The following ZZEF1 variants were observed in gnomAD, a reference collection of about 807,000 sequenced individuals.
The protein encoded by ZZEF1 is zinc finger ZZ-type and EF-hand domain containing 1, also known as zinc finger ZZ-type and EF-hand domain-containing protein 1.
ZZEF1 carries 157 observed loss-of-function variants against 342.8 expected under a neutral mutation model. The ratio of observed to expected loss-of-function variants is 0.46; its 90% CI spans 0.40 to 0.52. ZZEF1 has a LOEUF of 0.52. Ranked by LOEUF, ZZEF1 falls within the 20% of genes least tolerant of loss-of-function variation. ZZEF1 has a pLI of 0.00. For missense variants in ZZEF1, 3,480 were observed against 3,725.6 expected (o/e 0.93, Z 1.72); for synonymous variants, 1,505 against 1,429.1 (o/e 1.05, Z -1.20).
chr17:4,039,589 G>A (rs1437823572), intron 39 of ZZEF1, among the ~76,000 whole-genome samples: 1 of 151,680 alleles, frequency 6.6e-6, no homozygotes, highest in Non-Finnish European at 1.5e-5. Flanking sequence ...AGTAAAAATG[G>A]AGTTTTTAAT....
intron 26 of ZZEF1, among the ~76,000 whole-genome samples, chr17:4,068,250 T>C (rs1428490801): frequency 6.6e-6 from 1 of 152,202 alleles, no homozygotes; most frequent in Non-Finnish European, 1.5e-5. Flanking sequence ...CTTAGGTTGC[T>C]ACATAAACAG....
chr17:4,104,871 C>G, intron 7 of ZZEF1, 60 bp from the exon 8 acceptor site: 1 of 1,477,232 alleles, frequency 6.8e-7, no homozygotes, highest in Non-Finnish European at 9.3e-7. Context: ...CCAGGTAGCT[C>G]AAACCCCATG....
At chr17:4,087,337 A>G in intron 14 of ZZEF1, 97 bp downstream of exon 14, 1 of 869,616 alleles carries the variant, frequency 1.1e-6, no homozygotes, top group Non-Finnish European at 1.8e-6. Flanking sequence ...CACTGGTAGG[A>G]AGTAAAAAAA....
At chr17:4,011,553 T>TGTG (rs1555574472) in intron 52 of ZZEF1, among the ~76,000 whole-genome samples, 1 of 151,576 alleles carries the variant, frequency 6.6e-6, no homozygotes, top group African/African-American at 2.4e-5. Flanking sequence ...GGTTTTTTTT[T>TGTG]TGTGTGTGTG....
intron 52 of ZZEF1, among the ~76,000 whole-genome samples, chr17:4,012,448 TG>T (rs770230291): frequency 2.0e-5 from 3 of 152,222 alleles, no homozygotes; most frequent in Non-Finnish European, 4.4e-5. Context: ...CACTGCACTC[TG>T]GCTAGCATTC....
chr17:4,106,464 G>T (rs1174410569), intron 6 of ZZEF1, among the ~76,000 whole-genome samples: 3 of 143,344 alleles, frequency 2.1e-5, no homozygotes, highest in Non-Finnish European at 1.5e-5. Flanking sequence ...TTTATAATTT[G>T]TTCAGCAGCA....
chr17:4,074,843 A>G (rs1329474098), intron 23 of ZZEF1, among the ~76,000 whole-genome samples: 1 of 152,250 alleles, frequency 6.6e-6, no homozygotes, highest in East Asian at 1.9e-4. Context: ...GTCTGCTGCA[A>G]CTACTCAACT....
intron 37 of ZZEF1, 104 bp downstream of exon 37, chr17:4,049,604 G>A (rs1368073685): frequency 5.1e-6 from 7 of 1,377,198 alleles, no homozygotes; most frequent in Middle Eastern, 3.8e-4. Flanking sequence ...CAGCAGTCTG[G>A]GTTAGGAGTC....
rs1487292130 is a variant in ZZEF1, at chr17:4,052,153, C to T, written c.5435-17G>A. The T allele has an allele frequency of 6.2e-7, 1 of 1,601,154 alleles. No homozygotes were observed. Among genetic ancestry groups the T allele is most frequent in the Non-Finnish European group, 8.5e-7 (1 of 1,173,756 alleles). On this transcript the variant is annotated splice_polypyrimidine_tract_variant and intron_variant, in intron 34 of 54. Transcript: ENST00000381638. ...TCACCCCACCTGAGGAGAAACACAG[C>T]AGTGTGAGGGGATGAGGTAGAGGGC...
chr17:4,137,775 C>T (rs972736287), intron 1 of ZZEF1, among the ~76,000 whole-genome samples: 3 of 152,194 alleles, frequency 2.0e-5, no homozygotes, highest in African/African-American at 7.2e-5. Flanking sequence ...AGACAGTATG[C>T]TCTAAGTGCC....
chr17:4,075,521 C>A, intron 21 of ZZEF1, 92 bp from the exon 22 acceptor site: 1 of 1,459,208 alleles, frequency 6.9e-7, no homozygotes, highest in Non-Finnish European at 9.2e-7. Context: ...GTGCTCCAGG[C>A]AGATGGCCTT....
At chr17:4,111,858 GC>G (rs2058308031) in intron 5 of ZZEF1, among the ~76,000 whole-genome samples, 1 of 145,080 alleles carries the variant, frequency 6.9e-6, no homozygotes, top group Non-Finnish European at 1.5e-5. Flanking sequence ...ACACAGTGAG[GC>G]CCCATTTCTA....
chr17:4,076,994 C>G lies in ZZEF1; in HGVS notation c.2990-5G>C, dbSNP rs778476294. ...TTGCCAGAAACTGGCCCACATCTAC[C>G]GAAACAAAGAAAATAATTAATATAT... On this transcript the variant is annotated splice_polypyrimidine_tract_variant and splice_region_variant and intron_variant, in intron 19 of 54. Transcript: ENST00000381638. 6.2e-7 allele frequency: 1 copy of G among 1,608,864 alleles called. No homozygotes were observed.
chr17:4,076,519 G>A (rs1369190403), intron 21 of ZZEF1, 118 bp downstream of exon 21: 6 of 1,318,994 alleles, frequency 4.5e-6, no homozygotes, highest in Middle Eastern at 2.7e-4. Flanking sequence ...TAAAATCAAG[G>A]GAGCCTTCTA....
intron 1 of ZZEF1, among the ~76,000 whole-genome samples, chr17:4,132,428 C>T (rs2058674758): frequency 6.7e-6 from 1 of 149,562 alleles, no homozygotes; most frequent in Admixed American, 6.6e-5. Flanking sequence ...AAGTGATCCA[C>T]CTGCCTCCGC....
intron 30 of ZZEF1, among the ~76,000 whole-genome samples, chr17:4,061,893 C>CAGA (rs1347047761): frequency 6.6e-6 from 1 of 152,144 alleles, no homozygotes; most frequent in East Asian, 1.9e-4. Flanking sequence ...TTCTTATTTC[C>CAGA]ACCTCTTTTC....
intron 42 of ZZEF1, among the ~76,000 whole-genome samples, chr17:4,025,881 T>C (rs1272860341): frequency 6.6e-6 from 1 of 152,152 alleles, no homozygotes; most frequent in Non-Finnish European, 1.5e-5. Context: ...CGCCCTCCAA[T>C]AGCACCAGCT....
In ZZEF1 at chr17:4,013,496, T is replaced by C; in HGVS notation, c.8532A>G (p.Leu2844=). ...VACRQTGHQR[L]KAIHLLLRIV... ...TCCTCAGAAGTAAGTGGATGGCTTT[T>C]AATCGTTGATGGCCAGTCTGGCGAC... Residue 2844 remains leucine, a synonymous_variant, in exon 52 of 55, where the codon TTA becomes TTG. Coordinates refer to ENST00000381638, the MANE Select transcript of ZZEF1 (RefSeq NM_015113.4). 1.2e-6 allele frequency: 2 copies of C among 1,613,696 alleles called. No individual in the cohort carries two copies. The highest frequency in any genetic ancestry group is 1.7e-6 in the Non-Finnish European group (2 of 1,179,770).
chr17:4,019,810 T>C (rs2056219803), intron 45 of ZZEF1, 41 bp from the exon 46 acceptor site: 16 of 1,485,320 alleles, frequency 1.1e-5, no homozygotes, highest in Non-Finnish European at 1.5e-5. Context: ...CCATTAACAG[T>C]GCTTCAATAC....
Sources: gnomAD v4.1 joint callset for allele counts (sites outside exome capture counted in the v4.1 genomes callset) on GRCh38, gnomAD v4.1.1 for gene constraint, MANE v1.5 for transcripts, NCBI Gene and HGNC (gene_info 2026-07-23, HGNC 2026-07-21) for gene names.